Variants in MTCL3 observed in about 807,000 individuals in gnomAD.
MTCL3 encodes the protein MTCL family member 3.
chr6:127,479,853 A>T, the MTCL3 span, among the ~76,000 whole-genome samples: 1 of 152,222 alleles, frequency 6.6e-6, no homozygotes, highest in Non-Finnish European at 1.5e-5. Flanking sequence ...CTGATCTTGT[A>T]ACCCAACTAT....
chr6:127,488,029 A>AATCCCAC, the MTCL3 span, among the ~76,000 whole-genome samples: 1 of 151,728 alleles, frequency 6.6e-6, no homozygotes, highest in Non-Finnish European at 1.5e-5. Flanking sequence ...CCCACCCCCC[A>AATCCCAC]ATCCCACATC....
the MTCL3 span, among the ~76,000 whole-genome samples, chr6:127,490,085 TA>T: frequency 6.6e-6 from 1 of 152,234 alleles, no homozygotes; most frequent in South Asian, 2.1e-4. Flanking sequence ...AATGCTCATT[TA>T]CCATTCTGAA....
At chr6:127,475,786 C>T in the MTCL3 span, 1 of 1,610,796 alleles carries the variant, frequency 6.2e-7, no homozygotes, top group Non-Finnish European at 8.5e-7. This position sits in a 1 kb window ranked among gnomAD's most constrained non-coding sequence, Gnocchi z 7.3. Context: ...GTCGCGGGGG[C>T]TGCCGCGGAT....
the MTCL3 span, among the ~76,000 whole-genome samples, chr6:127,480,790 C>G: frequency 6.6e-6 from 1 of 152,126 alleles, no homozygotes; most frequent in African/African-American, 2.4e-5. Flanking sequence ...GCAACCTTGA[C>G]TGAGCATTGG....
the MTCL3 span, among the ~76,000 whole-genome samples, chr6:127,503,862 G>C: frequency 3.9e-5 from 6 of 152,240 alleles, no homozygotes; most frequent in Non-Finnish European, 8.8e-5. Flanking sequence ...CTGGTTCACA[G>C]CCACTTTTTT....
chr6:127,473,232 AAAAT>A, the MTCL3 span: 1 of 1,448,874 alleles, frequency 6.9e-7, no homozygotes, highest in Non-Finnish European at 9.1e-7. Context: ...AAGGGTGAAC[AAAAT>A]AAACAAACTG....
At chr6:127,486,807 T>C in the MTCL3 span, among the ~76,000 whole-genome samples, 27,043 of 152,148 alleles carry the variant, frequency 0.18, 3,422 homozygotes, top group East Asian at 0.64. Context: ...AAAAATGTTT[T>C]GAGATTATCT....
At chr6:127,514,772 G>C in the MTCL3 span, 1 of 1,509,906 alleles carries the variant, frequency 6.6e-7, no homozygotes, top group Non-Finnish European at 9.0e-7. Context: ...CTTGGCCAAA[G>C]TCCCCACCCA....
the MTCL3 span, chr6:127,516,164 C>T: frequency 1.4e-6 from 2 of 1,439,506 alleles, no homozygotes; most frequent in African/African-American, 1.5e-5. Context: ...GGCACGGACT[C>T]TAGCTCCCGA....
the MTCL3 span, among the ~76,000 whole-genome samples, chr6:127,492,472 T>C: frequency 6.6e-6 from 1 of 152,176 alleles, no homozygotes; most frequent in Non-Finnish European, 1.5e-5. Flanking sequence ...AAGCTTAATG[T>C]ATTTTCCTTG....
At chr6:127,505,104 C>T in the MTCL3 span, among the ~76,000 whole-genome samples, 1 of 152,178 alleles carries the variant, frequency 6.6e-6, no homozygotes, top group Non-Finnish European at 1.5e-5. Context: ...AAGGCCACAT[C>T]AAAAGGCATG....
chr6:127,515,513 C>A, the MTCL3 span: 1 of 1,451,348 alleles, frequency 6.9e-7, no homozygotes, highest in Non-Finnish European at 9.0e-7. This position sits in a 1 kb window ranked among gnomAD's most constrained non-coding sequence, Gnocchi z 4.3. Flanking sequence ...ACCCTCCTCA[C>A]CTTGAGAGTC....
At chr6:127,514,714 T>A in the MTCL3 span, 1 of 826,908 alleles carries the variant, frequency 1.2e-6, no homozygotes, top group Non-Finnish European at 1.9e-6. Context: ...ACTGTGTCCC[T>A]AAGGCTCCTT....
At chr6:127,516,057 G>A in the MTCL3 span, 28 of 1,536,712 alleles carry the variant, frequency 1.8e-5, no homozygotes, top group Admixed American at 6.0e-5. Flanking sequence ...GCTGCGGAGC[G>A]CCCCCCTCCC....
the MTCL3 span, chr6:127,515,791 G>A: frequency 1.2e-6 from 2 of 1,607,886 alleles, no homozygotes; most frequent in Non-Finnish European, 1.7e-6. This position sits in a 1 kb window ranked among gnomAD's most constrained non-coding sequence, Gnocchi z 4.3. Context: ...CATCTGAGCC[G>A]CGGCCGCCGC....
At chr6:127,491,150 A>G in the MTCL3 span, among the ~76,000 whole-genome samples, 3 of 152,250 alleles carry the variant, frequency 2.0e-5, no homozygotes, top group African/African-American at 7.2e-5. Context: ...GACAACAAAA[A>G]GTTTAGAATA....
At chr6:127,502,239 A>G in the MTCL3 span, among the ~76,000 whole-genome samples, 3 of 152,202 alleles carry the variant, frequency 2.0e-5, no homozygotes, top group African/African-American at 4.8e-5. Context: ...GTGCTTGACC[A>G]CTTTTGATCA....
chr6:127,492,601 A>C, the MTCL3 span, among the ~76,000 whole-genome samples: 1 of 152,076 alleles, frequency 6.6e-6, no homozygotes, highest in Non-Finnish European at 1.5e-5. Context: ...GCTCACTGCA[A>C]GCTCTGCCTC....
the MTCL3 span, among the ~76,000 whole-genome samples, chr6:127,504,345 C>G: frequency 7.2e-5 from 11 of 152,170 alleles, no homozygotes; most frequent in African/African-American, 2.4e-4. Context: ...AAATAATTAA[C>G]TTGTGGGCAA....
Sources: gnomAD v4.1 joint callset for allele counts (sites outside exome capture counted in the v4.1 genomes callset) on GRCh38, gnomAD v4.1.1 for gene constraint, Gnocchi (gnomAD v3.1) non-coding constraint, MANE v1.5 for transcripts, NCBI Gene and HGNC (gene_info 2026-07-23, HGNC 2026-07-21) for gene names.